TAS2R1: variants seen among roughly 807,000 people sequenced by gnomAD.
TAS2R1 encodes taste receptor type 2 member 1.
For synonymous variants in TAS2R1, 141 were observed against 134.2 expected (o/e 1.05, Z -0.35); for missense variants, 370 against 353.4 (o/e 1.05, Z -0.38).
At position 9,628,885 on chromosome 5, in the gene TAS2R1, T is replaced by C. The variant is rs890808233; in HGVS notation, c.*248A>G. Reference sequence around the variant, plus strand: ...TTCCCAATGGTAACAACTTGCACGATGATAGTACAATATCACTACCAGGAT... The same window carrying C: ...TTCCCAATGGTAACAACTTGCACGACGATAGTACAATATCACTACCAGGAT... On this transcript the variant is annotated 3_prime_UTR_variant, in exon 1 of 1. Transcript: ENST00000382492. The C allele has an allele frequency of 5.6e-6, 2 of 356,802 alleles. No individual in the cohort carries two copies. Among genetic ancestry groups the C allele is most frequent in the African/African-American group, 2.1e-5 (1 of 48,086 alleles). 22.1% of individuals were successfully genotyped at this position (356,802 alleles called of 1,614,324 possible).
the TAS2R1 span, among the ~76,000 whole-genome samples, chr5:9,880,231 A>G: frequency 6.6e-6 from 1 of 152,304 alleles, no homozygotes; most frequent in African/African-American, 2.4e-5. Flanking sequence ...GTAATCTTCT[A>G]TTGTTATGCT....
rs544982869 is a variant in TAS2R1, at chr5:9,627,871, C to T, written c.*1262G>A. On this transcript the variant is annotated 3_prime_UTR_variant, in exon 1 of 1. Transcript: ENST00000382492. ...GTTCCCATGCCCAAGAAGATAAGTA[C>T]GTCCCTGAATCTCCTGAAGCAAAAT... is the stretch of plus-strand genomic sequence containing the variant. Among the ~76,000 whole-genome samples, 4 of 152,224 alleles carry T rather than the reference C, an allele frequency of 2.6e-5. No individual in the cohort carries two copies. In the South Asian group the frequency reaches 8.3e-4, roughly 32 times the overall value.
chr5:9,773,144 T>C, the TAS2R1 span, among the ~76,000 whole-genome samples: 1 of 152,114 alleles, frequency 6.6e-6, no homozygotes, highest in Non-Finnish European at 1.5e-5. Flanking sequence ...TGTGATTTAA[T>C]TTCTTGATTT....
the TAS2R1 span, among the ~76,000 whole-genome samples, chr5:9,741,112 G>A: frequency 6.6e-6 from 1 of 152,084 alleles, no homozygotes; most frequent in African/African-American, 2.4e-5. Flanking sequence ...CACTTGGGTA[G>A]GATTATTATA....
At chr5:9,696,357 C>T (rs1339201987) in intron 1 of TAS2R1, among the ~76,000 whole-genome samples, 1 of 151,790 alleles carries the variant, frequency 6.6e-6, no homozygotes, top group Non-Finnish European at 1.5e-5. Flanking sequence ...GTCAGGAGTT[C>T]AAGACCAGCC....
chr5:9,822,429 T>A, the TAS2R1 span, among the ~76,000 whole-genome samples: 2 of 149,966 alleles, frequency 1.3e-5, no homozygotes, highest in Non-Finnish European at 3.0e-5. Context: ...GGCTCACTGC[T>A]GCCTCCACCT....
chr5:9,640,919 G>A (rs1740069652), intron 2 of TAS2R1, among the ~76,000 whole-genome samples: 1 of 152,144 alleles, frequency 6.6e-6, no homozygotes, highest in African/African-American at 2.4e-5. Context: ...CTCTCTTCCT[G>A]GAGAACCCAG....
intron 1 of TAS2R1, among the ~76,000 whole-genome samples, chr5:9,684,517 T>TA (rs1741088488): frequency 6.6e-6 from 1 of 152,170 alleles, no homozygotes; most frequent in African/African-American, 2.4e-5. Flanking sequence ...GCTTACTGTA[T>TA]ATTTTCTCCT....
At position 9,628,614 on chromosome 5, in the gene TAS2R1, C is replaced by A. The variant is rs2126471673; in HGVS notation, c.*519G>T. On this transcript the variant is annotated 3_prime_UTR_variant, in exon 1 of 1. Transcript: ENST00000382492. ...ATGGCTCCACTGCCTGCAACTCCAA[C>A]AGACAGAACAGAAATAATATCCAGG... Among the ~76,000 whole-genome samples the A allele has an allele frequency of 6.6e-6, 1 of 152,258 alleles. No homozygotes were observed. Among genetic ancestry groups the A allele is most frequent in the Non-Finnish European group, 1.5e-5 (1 of 68,032 alleles).
chr5:9,862,397 C>A, the TAS2R1 span, among the ~76,000 whole-genome samples: 1 of 152,080 alleles, frequency 6.6e-6, no homozygotes, highest in South Asian at 2.1e-4. Flanking sequence ...TTCTGACAGC[C>A]TAACCTGCAG....
chr5:9,698,910 T>C (rs1398051793), intron 1 of TAS2R1, among the ~76,000 whole-genome samples: 1 of 152,210 alleles, frequency 6.6e-6, no homozygotes, highest in Non-Finnish European at 1.5e-5. Flanking sequence ...CCCAATATTT[T>C]ATACAGCATA....
the TAS2R1 span, among the ~76,000 whole-genome samples, chr5:9,831,586 T>G: frequency 6.6e-6 from 1 of 151,536 alleles, no homozygotes; most frequent in East Asian, 1.9e-4. Context: ...GTGCAAACTT[T>G]TGGCAATTTT....
At chr5:9,646,904 G>T (rs1380395226) in intron 2 of TAS2R1, among the ~76,000 whole-genome samples, 2 of 152,148 alleles carry the variant, frequency 1.3e-5, no homozygotes, top group African/African-American at 4.8e-5. Flanking sequence ...GAAAACAAAT[G>T]AATACAATTT....
intron 1 of TAS2R1, among the ~76,000 whole-genome samples, chr5:9,705,247 G>C (rs1365869214): frequency 6.6e-6 from 1 of 152,200 alleles, no homozygotes; most frequent in Non-Finnish European, 1.5e-5. Flanking sequence ...AAACTATTCA[G>C]AGTGGCTACC....
the TAS2R1 span, among the ~76,000 whole-genome samples, chr5:9,849,353 C>T: frequency 6.6e-6 from 1 of 152,234 alleles, no homozygotes; most frequent in Non-Finnish European, 1.5e-5. Flanking sequence ...AGTTCAAATG[C>T]TGGAGACCAA....
At position 9,704,477 on chromosome 5, in the gene TAS2R1, G is replaced by A. The variant is rs569089141; in HGVS notation, c.-242+7695C>T. Among the ~76,000 whole-genome samples the A allele has an allele frequency of 9.5e-4, 144 of 152,106 alleles. 1 individual carries two copies. The highest frequency in any genetic ancestry group is 3.3e-3 in the African/African-American group (136 of 41,474). ...GAGATTTAAGTATTTAAATGTATAC[G>A]GTTAATACCCTCAAAGCACAGCAAA... On this transcript the variant is annotated intron_variant, in intron 1 of 2. Transcript: ENST00000506620.
At chr5:9,744,524 G>A in the TAS2R1 span, among the ~76,000 whole-genome samples, 1 of 151,698 alleles carries the variant, frequency 6.6e-6, no homozygotes, top group African/African-American at 2.4e-5. Flanking sequence ...TAGGGGTTGA[G>A]AAATACCCTC....
the TAS2R1 span, among the ~76,000 whole-genome samples, chr5:9,786,728 T>C: frequency 6.6e-6 from 1 of 152,182 alleles, no homozygotes; most frequent in Non-Finnish European, 1.5e-5. Flanking sequence ...TTAAAATTGT[T>C]AAAAATTAGA....
chr5:9,633,294 T>TATTATATATATATATATATATATA (rs1476544403), upstream of TAS2R1, among the ~76,000 whole-genome samples: 4 of 67,818 alleles, frequency 5.9e-5, no homozygotes, highest in African/African-American at 2.8e-4. Context: ...TGTGTGTATA[T>TATTATATATATATATATATATATA]TATATATATA....
Sources: allele counts gnomAD v4.1 joint callset (sites outside exome capture counted in the v4.1 genomes callset), GRCh38; gene constraint gnomAD v4.1.1; transcripts MANE v1.5; gene names NCBI Gene and HGNC (gene_info 2026-07-23, HGNC 2026-07-21).